ZNF423: variants seen among roughly 807,000 people sequenced by gnomAD.
ZNF423 encodes zinc finger protein 423.
In ZNF423, 12 loss-of-function variants were observed where a neutral mutation model predicts 95.8. The observed-to-expected ratio is 0.13, with a 90% CI of 0.08 to 0.20. The LOEUF (loss-of-function observed/expected upper bound fraction) is 0.20. Ranked by LOEUF, ZNF423 falls within the 10% of genes least tolerant of loss-of-function variation. The pLI is 1.00. For missense variants in ZNF423, 1,316 were observed against 1,737.1 expected, an observed-to-expected ratio of 0.76 and a Z score of 4.31; for synonymous variants, 749 against 711.9, an observed-to-expected ratio of 1.05 and a Z score of -0.83.
At chr16:49,798,321 A>C (rs2034530297) in intron 1 of ZNF423, among the ~76,000 whole-genome samples, 1 of 152,214 alleles carries the variant, frequency 6.6e-6, no homozygotes, top group Non-Finnish European at 1.5e-5. Context: ...CAACCTGGCC[A>C]ACATAATGAA....
chr16:49,757,116 T>A (rs2033742092), intron 2 of ZNF423, among the ~76,000 whole-genome samples: 1 of 152,244 alleles, frequency 6.6e-6, no homozygotes, highest in Non-Finnish European at 1.5e-5. Flanking sequence ...TCCATTACGC[T>A]GTGCAATGTT....
At chr16:49,518,674 A>G (rs1326895300) in intron 7 of ZNF423, 1 of 364,294 alleles carries the variant, frequency 2.7e-6, no homozygotes, top group Non-Finnish European at 5.2e-6. Flanking sequence ...ATGGCGATAT[A>G]TTTTTACCTT....
chr16:49,533,179 C>T (rs986226613), intron 5 of ZNF423, among the ~76,000 whole-genome samples: 2 of 152,206 alleles, frequency 1.3e-5, no homozygotes, highest in African/African-American at 4.8e-5. Flanking sequence ...AGGTTGTCTT[C>T]CTTGATTCCA....
chr16:49,833,978 A>T (rs1455432851), intron 1 of ZNF423, among the ~76,000 whole-genome samples: 1 of 152,180 alleles, frequency 6.6e-6, no homozygotes, highest in African/African-American at 2.4e-5. Flanking sequence ...TGGGGCGGGC[A>T]GTGGCCTTGG....
At chr16:49,808,927 A>G (rs1446272288) in intron 1 of ZNF423, among the ~76,000 whole-genome samples, 1 of 152,142 alleles carries the variant, frequency 6.6e-6, no homozygotes, top group Non-Finnish European at 1.5e-5. Flanking sequence ...GCCAGAAGAC[A>G]CGGCCTCAGA....
intron 5 of ZNF423, among the ~76,000 whole-genome samples, chr16:49,555,604 T>C (rs1969793063): frequency 6.6e-6 from 1 of 152,206 alleles, no homozygotes; most frequent in East Asian, 1.9e-4. Flanking sequence ...CCATACACTA[T>C]AATGTCTCAT....
At chr16:49,541,967 T>C (rs974457215) in intron 5 of ZNF423, among the ~76,000 whole-genome samples, 7 of 152,246 alleles carry the variant, frequency 4.6e-5, no homozygotes, top group Non-Finnish European at 1.0e-4. Context: ...TACAGCAGCA[T>C]GAGAGCGAAG....
chr16:49,572,956 G>A (rs1265242574), intron 5 of ZNF423, among the ~76,000 whole-genome samples: 1 of 152,220 alleles, frequency 6.6e-6, no homozygotes, highest in Non-Finnish European at 1.5e-5. Flanking sequence ...GAATGATATG[G>A]AGTGCATAGT....
chr16:49,658,104 G>A (rs2029987476), intron 3 of ZNF423, among the ~76,000 whole-genome samples: 1 of 152,224 alleles, frequency 6.6e-6, no homozygotes, highest in Non-Finnish European at 1.5e-5. Flanking sequence ...AGATGTAATT[G>A]GGTTAAACAT....
At chr16:49,623,887 C>G (rs902800393) in intron 5 of ZNF423, among the ~76,000 whole-genome samples, 1 of 152,142 alleles carries the variant, frequency 6.6e-6, no homozygotes, top group African/African-American at 2.4e-5. Context: ...TAGGTAGGGA[C>G]CAGGGGACCC....
intron 5 of ZNF423, among the ~76,000 whole-genome samples, chr16:49,586,603 G>A (rs1453433091): frequency 1.3e-5 from 2 of 152,218 alleles, no homozygotes; most frequent in African/African-American, 2.4e-5. Context: ...AGCTCCGAGC[G>A]GCAGGCGCAG....
Position 49,719,073 on chromosome 16 carries a change from T to C in ZNF423, c.301+11698A>G, listed in dbSNP as rs1353367974. 5.3e-5 allele frequency among the ~76,000 whole-genome samples: 8 copies of C among 152,224 alleles called. No individual in the cohort carries two copies. The East Asian group carries it at 1.5e-3, about 29-fold the overall frequency. The stretch of plus-strand genomic sequence containing the variant: ...AACCTCAAATTGGTAGTAACCGAGA[T>C]TGATTACTCAGGGAACACAATTTTC... On this transcript the variant is annotated intron_variant, in intron 3 of 7. Coordinates refer to ENST00000563137, the MANE Select transcript of ZNF423 (RefSeq NM_001379286.1).
intron 2 of ZNF423, among the ~76,000 whole-genome samples, chr16:49,741,401 G>T (rs1364026509): frequency 1.3e-5 from 2 of 152,046 alleles, no homozygotes; most frequent in Non-Finnish European, 2.9e-5. Context: ...CAGCTACTCG[G>T]GGGGCTGAGG....
chr16:49,800,330 C>T (rs866130523), intron 1 of ZNF423, among the ~76,000 whole-genome samples: 3 of 152,098 alleles, frequency 2.0e-5, no homozygotes, highest in Middle Eastern at 6.8e-3. Flanking sequence ...CTCACATGAT[C>T]CTCCCTCCTT....
chr16:49,810,895 G>A (rs1186335729), intron 1 of ZNF423, among the ~76,000 whole-genome samples: 7 of 152,270 alleles, frequency 4.6e-5, no homozygotes, highest in African/African-American at 1.4e-4. Flanking sequence ...GCAGGGCAGC[G>A]CTGAGAGTCC....
intron 2 of ZNF423, among the ~76,000 whole-genome samples, chr16:49,752,591 C>G (rs2033652901): frequency 6.6e-6 from 1 of 152,200 alleles, no homozygotes; most frequent in Non-Finnish European, 1.5e-5. Flanking sequence ...CAGGCTTGCT[C>G]CAGGAGGTCA....
intron 1 of ZNF423, among the ~76,000 whole-genome samples, chr16:49,803,048 A>G (rs1464472888): frequency 6.6e-6 from 1 of 152,106 alleles, no homozygotes; most frequent in Non-Finnish European, 1.5e-5. Flanking sequence ...TGAGGCCAGG[A>G]GTTCGAGACC....
chr16:49,616,718 C>G (rs34215342), intron 5 of ZNF423, among the ~76,000 whole-genome samples: 7,434 of 152,214 alleles, frequency 0.049, 223 homozygotes, highest in Non-Finnish European at 0.07. Flanking sequence ...GTCCTCCAGG[C>G]CCAGCCCCTT....
At chr16:49,522,455 A>T (rs972038346) in intron 7 of ZNF423, among the ~76,000 whole-genome samples, 11 of 152,140 alleles carry the variant, frequency 7.2e-5, no homozygotes, top group Non-Finnish European at 1.5e-5. Flanking sequence ...TATTATGAAC[A>T]GAGTCTCTTC....
Sources: allele counts gnomAD v4.1 joint callset (sites outside exome capture counted in the v4.1 genomes callset), GRCh38; gene constraint gnomAD v4.1.1; transcripts MANE v1.5; gene names NCBI Gene and HGNC (gene_info 2026-07-23, HGNC 2026-07-21).